The following PCDHA4 variants were observed in gnomAD, a reference collection of about 807,000 sequenced individuals.
PCDHA4 encodes protocadherin alpha 4.
A neutral mutation model predicts 61.4 loss-of-function variants in PCDHA4; 49 were observed. That is an observed-to-expected ratio of 0.80 (90% CI 0.63 to 1.01). The LOEUF is 1.01. Ranked by LOEUF, PCDHA4 falls within the 50% of genes least tolerant of loss-of-function variation. The pLI is 0.00. For missense variants in PCDHA4, 1,254 were observed against 1,235.8 expected, an observed-to-expected ratio of 1.01 and a Z score of -0.22; for synonymous variants, 590 against 550.3, an observed-to-expected ratio of 1.07 and a Z score of -1.01.
Position 140,807,682 on chromosome 5 carries a change from C to G in PCDHA4, c.495C>G (p.Asn165Lys), listed in dbSNP as rs782331104. 3.1e-6 allele frequency: 5 copies of G among 1,614,224 alleles called. No homozygotes were observed. Among genetic ancestry groups the G allele is most frequent in the Non-Finnish European group, 4.2e-6 (5 of 1,180,042 alleles). The change falls in exon 1 of 4, where the codon AAC becomes AAG. Residue 165 changes from asparagine to lysine, a missense_variant. Physicochemically the swap from Asn to Lys is moderately conservative, Grantham distance 94. Transcript: ENST00000530339. ...CCTCGGATGCAGATATCGGGGAGAA[C>G]GCCCTGCTCACTTACAGACTGAGCC... The part of the protein sequence containing the change: ...EGASDADIGE[N>K]ALLTYRLSPN...
chr5:140,947,586 A>G (rs958279437), intron 1 of PCDHA4, among the ~76,000 whole-genome samples: 1 of 151,670 alleles, frequency 6.6e-6, no homozygotes, highest in Non-Finnish European at 1.5e-5. Context: ...TAACATTTAG[A>G]TCAATTTAGG....
intron 1 of PCDHA4, among the ~76,000 whole-genome samples, chr5:140,821,071 G>GA: frequency 6.6e-6 from 1 of 151,924 alleles, no homozygotes; most frequent in Non-Finnish European, 1.5e-5. Flanking sequence ...AATAGTTTTA[G>GA]TTGTTTTTGA....
rs1554124466 is a variant in PCDHA4 at position 140,808,232 on chromosome 5, G to C, written c.1045G>C (p.Asp349His). ...EVEDNNDNVP[D>H]LEFKSLSLPI... ...AGAAGACAACAACGATAATGTCCCA[G>C]ATTTGGAATTCAAGTCTTTATCACT... is the stretch of plus-strand genomic sequence containing the variant. The change falls in exon 1 of 4, where the codon GAT becomes CAT. Residue 349 changes from aspartate to histidine, a missense_variant. Physicochemically the swap from Asp to His is moderately conservative, Grantham distance 81. Coordinates refer to ENST00000530339, the MANE Select transcript of PCDHA4 (RefSeq NM_018907.4). 1.2e-6 allele frequency: 2 copies of C among 1,614,122 alleles called. No homozygotes were observed. The highest frequency in any genetic ancestry group is 1.7e-6 in the Non-Finnish European group (2 of 1,180,052).
chr5:140,924,715 C>A (rs1258622619), intron 1 of PCDHA4, among the ~76,000 whole-genome samples: 3 of 151,692 alleles, frequency 2.0e-5, no homozygotes, highest in Non-Finnish European at 4.4e-5. Flanking sequence ...TGCAACATGG[C>A]GAAACCTCAC....
At chr5:140,882,307 A>C in intron 1 of PCDHA4, 2 of 1,613,900 alleles carry the variant, frequency 1.2e-6, no homozygotes, top group Non-Finnish European at 1.7e-6. Context: ...GACCGCGGCA[A>C]CTACTGCTCT....
intron 1 of PCDHA4, chr5:140,824,610 G>GTTTTTTTTTTTTTTTTTTTTTTTTTTTT (rs782443702): frequency 2.1e-5 from 2 of 95,102 alleles, no homozygotes; most frequent in Non-Finnish European, 3.8e-5. Flanking sequence ...GCTAATTAAA[G>GTTTTTTTTTTTTTTTTTTTTTTTTTTTT]TTTTTTTTTT....
chr5:140,971,165 G>C (rs1390176241), intron 1 of PCDHA4, among the ~76,000 whole-genome samples: 1 of 152,136 alleles, frequency 6.6e-6, no homozygotes, highest in Non-Finnish European at 1.5e-5. Context: ...GCTCAGCTTT[G>C]CCACCAGCTG....
intron 1 of PCDHA4, chr5:140,967,765 C>A: frequency 6.2e-7 from 1 of 1,614,234 alleles, no homozygotes; most frequent in Non-Finnish European, 8.5e-7. Context: ...CCTACCAGAT[C>A]TATGTGCAGG....
chr5:140,818,202 T>C (rs2150100495), intron 1 of PCDHA4, among the ~76,000 whole-genome samples: 4 of 152,230 alleles, frequency 2.6e-5, no homozygotes, highest in Non-Finnish European at 2.9e-5. Context: ...AGTACATGTA[T>C]GTTAAATCTT....
rs2150483646 is a variant in PCDHA4 at position 140,850,423 on chromosome 5, C to G, written c.2385+40851C>G. ...CGTGCCCTGGACGAAACGGACGCAC[C>G]GCGCCAGCGCCTACTGGTGCTGGTG... is the stretch of plus-strand genomic sequence containing the variant. On this transcript the variant is annotated intron_variant, in intron 1 of 3. Transcript: ENST00000530339. 10 of 1,597,882 alleles carry G rather than the reference C, an allele frequency of 6.3e-6. 2 individuals are homozygous for G. Among genetic ancestry groups the G allele is most frequent in the Non-Finnish European group, 7.7e-6 (9 of 1,167,708 alleles).
chr5:140,866,304 A>G (rs898524631), intron 1 of PCDHA4: 16 of 152,138 alleles, frequency 1.1e-4, no homozygotes, highest in African/African-American at 3.6e-4. Flanking sequence ...AGATGTTGAT[A>G]TTATTATTTC....
intron 1 of PCDHA4, chr5:140,841,962 C>T (rs1342346203): frequency 1.2e-6 from 2 of 1,613,786 alleles, no homozygotes; most frequent in Non-Finnish European, 1.7e-6. Context: ...TTCCTGACAG[C>T]CACAGATGGG....
chr5:140,851,376 G>A, intron 1 of PCDHA4: 1 of 976,392 alleles, frequency 1.0e-6, no homozygotes, highest in Non-Finnish European at 1.2e-6. Flanking sequence ...TGATTGTTCA[G>A]CAACCTTCAG....
In PCDHA4 at chr5:140,809,483, A is replaced by G; in HGVS notation, c.2296A>G (p.Lys766Glu). 1 of 1,614,234 alleles carries G rather than the reference A, an allele frequency of 6.2e-7. No individual in the cohort carries two copies. The highest frequency in any genetic ancestry group is 8.5e-7 in the Non-Finnish European group (1 of 1,180,028). ...PRVCSGEGPP[K>E]TDLMAFSPSL... Reference sequence around the variant, plus strand: ...GGTGTGCTCTGGTGAGGGCCCACCCAAGACCGACCTCATGGCCTTCAGCCC... The same window carrying G: ...GGTGTGCTCTGGTGAGGGCCCACCCGAGACCGACCTCATGGCCTTCAGCCC... Residue 766 changes from lysine to glutamate, a missense_variant, in exon 1 of 4, where the codon AAG becomes GAG. Transcript: ENST00000530339.
intron 1 of PCDHA4, among the ~76,000 whole-genome samples, chr5:140,917,740 C>T (rs1257665291): frequency 6.6e-6 from 1 of 152,090 alleles, no homozygotes; most frequent in Non-Finnish European, 1.5e-5. Context: ...TCTAACCTGT[C>T]CCATTGGTCT....
intron 1 of PCDHA4, among the ~76,000 whole-genome samples, chr5:140,841,026 C>A (rs1322339232): frequency 6.6e-6 from 1 of 151,940 alleles, no homozygotes; most frequent in African/African-American, 2.4e-5. Context: ...AATGCCTCTG[C>A]AATTGATAAA....
At chr5:140,858,889 A>G (rs1265560651) in intron 1 of PCDHA4, 1 of 236,296 alleles carries the variant, frequency 4.2e-6, no homozygotes. Context: ...CATGTGTAGA[A>G]TATGTGTAGC....
rs1554124712 is a variant in PCDHA4, at chr5:140,808,711, T to G, written c.1524T>G (p.Val508=). 1.2e-6 allele frequency: 2 copies of G among 1,611,994 alleles called. No homozygotes were observed. Among genetic ancestry groups the G allele is most frequent in the African/African-American group, 1.3e-5 (1 of 74,836 alleles). Residue 508 remains valine (V), a synonymous_variant, in exon 1 of 4, where the codon GTT becomes GTG. Coordinates refer to ENST00000530339, the MANE Select transcript of PCDHA4 (RefSeq NM_018907.4). ...RVGERALSSY[V]SVHAESGKVY... is the part of the protein sequence containing the mutation. ...GGGAGCGCGCGCTGTCGAGCTACGT[T>G]TCGGTGCATGCGGAGAGCGGCAAGG...
chr5:140,843,546 C>T (rs1562414778), intron 1 of PCDHA4: 1 of 1,595,752 alleles, frequency 6.3e-7, no homozygotes, highest in African/African-American at 1.3e-5. Context: ...CTGGTGTGCT[C>T]CAGTGCGGTG....
Sources: gnomAD v4.1 joint callset for allele counts (sites outside exome capture counted in the v4.1 genomes callset) on GRCh38, gnomAD v4.1.1 for gene constraint, MANE v1.5 for transcripts, NCBI Gene and HGNC (gene_info 2026-07-23, HGNC 2026-07-21) for gene names.